Variants in CSMD1 observed in about 807,000 individuals in gnomAD.
CSMD1 encodes CUB and sushi domain-containing protein 1.
In CSMD1, 213 loss-of-function variants were observed where a neutral mutation model predicts 417.5. The observed-to-expected ratio is 0.51, with a 90% CI of 0.46 to 0.57. CSMD1 has a LOEUF of 0.57. CSMD1 is among the 20% of genes least tolerant of loss of function. CSMD1 has a pLI of 0.00. For missense variants in CSMD1, 6,923 were observed against 4,529.7 expected, an observed-to-expected ratio of 1.53 and a Z score of -15.17; for synonymous variants, 2,862 against 1,736.8, an observed-to-expected ratio of 1.65 and a Z score of -16.11.
At chr8:3,953,830 G>A (rs1330728761) in intron 5 of CSMD1, among the ~76,000 whole-genome samples, 2 of 152,106 alleles carry the variant, frequency 1.3e-5, no homozygotes, top group East Asian at 1.9e-4. Context: ...CATTTTCCCT[G>A]CAGTTCCTAG....
chr8:4,013,085 C>G (rs1481894720), intron 4 of CSMD1, among the ~76,000 whole-genome samples: 2 of 152,096 alleles, frequency 1.3e-5, no homozygotes, highest in South Asian at 2.1e-4. Context: ...CAGAGTAATC[C>G]TCTCAAATGC....
intron 2 of CSMD1, among the ~76,000 whole-genome samples, chr8:4,510,390 T>A (rs796935287): frequency 3.3e-3 from 180 of 54,634 alleles, no homozygotes; most frequent in African/African-American, 0.013. Flanking sequence ...GCATAATGCC[T>A]AAAAAAAAAA....
rs772209629 is a variant in CSMD1 at position 3,443,452 on chromosome 8, G to A, written c.1561+25260C>T. Among the ~76,000 whole-genome samples, 4 of 152,196 alleles carry A rather than the reference G, an allele frequency of 2.6e-5. No homozygotes were observed. In the South Asian group the frequency reaches 8.3e-4, roughly 31 times the overall value. ...GCTTACCCAATTTGGGAGGCGGGTT[G>A]ACACAAACATCTAATATCTATATAT... On this transcript the variant is annotated intron_variant, in intron 12 of 69. Coordinates refer to ENST00000635120, the MANE Select transcript of CSMD1 (RefSeq NM_033225.6).
At chr8:3,029,295 A>G (rs1585184685) in intron 51 of CSMD1, 24 bp downstream of exon 51, 2 of 1,551,100 alleles carry the variant, frequency 1.3e-6, no homozygotes, top group Non-Finnish European at 1.7e-6. Flanking sequence ...CGTGACTTTC[A>G]GGGGTGCCTC....
intron 5 of CSMD1, among the ~76,000 whole-genome samples, chr8:3,938,862 G>C (rs1810681829): frequency 6.6e-6 from 1 of 152,070 alleles, no homozygotes; most frequent in African/African-American, 2.4e-5. Flanking sequence ...TTTTCAGAAG[G>C]CAAGTGAATC....
chr8:3,564,292 G>A lies in CSMD1; in HGVS notation c.1344+10653C>T, dbSNP rs555354126. Among the ~76,000 whole-genome samples, 214 of 151,658 alleles carry A rather than the reference G, an allele frequency of 1.4e-3. 1 individual carries two copies. The highest frequency in any genetic ancestry group is 5.1e-3 in the African/African-American group (210 of 41,212). ...TTTATTAAGAAAAAAAAGAAACGGA[G>A]TAAATCCTGTAAACTTTTCTCCCAG... On this transcript the variant is annotated intron_variant, in intron 10 of 69. Transcript: ENST00000635120.
intron 5 of CSMD1, among the ~76,000 whole-genome samples, chr8:3,827,302 G>C (rs893249637): frequency 1.5e-4 from 23 of 152,200 alleles, no homozygotes; most frequent in African/African-American, 4.6e-4. Flanking sequence ...TGTGGTTAGA[G>C]TCAAAGGCTC....
intron 3 of CSMD1, among the ~76,000 whole-genome samples, chr8:4,215,547 G>C (rs1288619598): frequency 6.6e-6 from 1 of 151,352 alleles, no homozygotes; most frequent in African/African-American, 2.4e-5. Context: ...CCTTTACATT[G>C]TTCTGATAAT....
At chr8:4,520,142 G>A (rs949534281) in intron 2 of CSMD1, among the ~76,000 whole-genome samples, 1 of 152,112 alleles carries the variant, frequency 6.6e-6, no homozygotes, top group African/African-American at 2.4e-5. Context: ...AGAGCAAAGT[G>A]GTAGAGCTAA....
chr8:3,738,969 C>G (rs527710846), intron 6 of CSMD1, among the ~76,000 whole-genome samples: 2 of 152,206 alleles, frequency 1.3e-5, no homozygotes, highest in East Asian at 3.8e-4. Context: ...AAGGTGTGTT[C>G]AAACTTTAGA....
Position 4,470,445 on chromosome 8 carries a change from G to C in CSMD1, c.303-50380C>G, listed in dbSNP as rs188263002. ...ACAGAAGTGATAGTGCTGCTATGTA[G>C]ACAGGTTGGGGTCATGGTCGGCAGC... is the stretch of plus-strand genomic sequence containing the variant. On this transcript the variant is annotated intron_variant, in intron 2 of 69. Coordinates refer to ENST00000635120, the MANE Select transcript of CSMD1 (RefSeq NM_033225.6). Among the ~76,000 whole-genome samples the C allele has an allele frequency of 1.6e-3, 248 of 152,326 alleles. 1 individual carries two copies. Among genetic ancestry groups the C allele is most frequent in the African/African-American group, 5.2e-3 (216 of 41,576 alleles).
intron 1 of CSMD1, among the ~76,000 whole-genome samples, chr8:4,761,305 C>T (rs1812025991): frequency 6.6e-6 from 1 of 151,714 alleles, no homozygotes; most frequent in East Asian, 1.9e-4. Context: ...GGATTTTGAA[C>T]AACTAATGGA....
intron 36 of CSMD1, among the ~76,000 whole-genome samples, chr8:3,183,632 C>T (rs1324869887): frequency 4.6e-5 from 7 of 151,904 alleles, no homozygotes; most frequent in African/African-American, 1.7e-4. Context: ...ACGATACCAT[C>T]GGCATCCACC....
At chr8:3,504,665 A>C (rs1284279572) in intron 10 of CSMD1, among the ~76,000 whole-genome samples, 1 of 152,136 alleles carries the variant, frequency 6.6e-6, no homozygotes, top group African/African-American at 2.4e-5. Flanking sequence ...ATTTTATCTA[A>C]AATGACCTCT....
chr8:2,964,157 G>A (rs1234615858), intron 59 of CSMD1, among the ~76,000 whole-genome samples: 1 of 152,212 alleles, frequency 6.6e-6, no homozygotes, highest in Non-Finnish European at 1.5e-5. Flanking sequence ...AAGTTTCCAA[G>A]TGACCCTGTA....
intron 18 of CSMD1, among the ~76,000 whole-genome samples, chr8:3,370,748 G>T (rs1054632183): frequency 6.6e-6 from 1 of 152,168 alleles, no homozygotes; most frequent in Non-Finnish European, 1.5e-5. Context: ...GCTGAGGCAG[G>T]TGGATCACCT....
At position 2,938,666 on chromosome 8, in the gene CSMD1, C is replaced by T. The variant is rs1442722394; in HGVS notation, c.10614G>A (p.Met3538Ile). 6.2e-7 allele frequency: 1 copy of T among 1,611,726 alleles called. No individual in the cohort carries two copies. Among genetic ancestry groups the T allele is most frequent in the African/African-American group, 1.3e-5 (1 of 75,046 alleles). The change falls in exon 70 of 70, where the codon ATG (methionine) becomes ATA (isoleucine). Residue 3538 changes from methionine to isoleucine, a missense_variant. Coordinates refer to ENST00000635120, the MANE Select transcript of CSMD1 (RefSeq NM_033225.6). ...SNGQASFENPMYDTNLKPTEA... is the reference protein window; with the variant it reads ...SNGQASFENPIYDTNLKPTEA... The stretch of plus-strand genomic sequence containing the variant: ...CTGTGGGTTTTAAGTTTGTATCATA[C>T]ATGGGGTTTTCAAACGATGCTTGTC...
At chr8:3,200,270 A>G (rs1563136411) in intron 32 of CSMD1, among the ~76,000 whole-genome samples, 1 of 152,072 alleles carries the variant, frequency 6.6e-6, no homozygotes, top group Non-Finnish European at 1.5e-5. Flanking sequence ...AAAAGCACAT[A>G]TAGGCCAGGT....
chr8:3,372,861 T>A (rs1810059641), intron 18 of CSMD1, among the ~76,000 whole-genome samples: 1 of 152,186 alleles, frequency 6.6e-6, no homozygotes, highest in East Asian at 1.9e-4. Context: ...AATGTAGAAA[T>A]AAGCTTCCAT....
Sources: allele counts gnomAD v4.1 joint callset (sites outside exome capture counted in the v4.1 genomes callset), GRCh38; gene constraint gnomAD v4.1.1; transcripts MANE v1.5; gene names NCBI Gene and HGNC (gene_info 2026-07-23, HGNC 2026-07-21).